Variants in ERICH1 observed in about 807,000 individuals in gnomAD.
ERICH1 encodes glutamate rich 1.
A neutral mutation model predicts 39.6 loss-of-function variants in ERICH1; 56 were observed. The ratio of observed to expected loss-of-function variants is 1.41; its 90% CI spans 1.14 to 1.77. ERICH1 has a LOEUF of 1.77. Ranked by LOEUF, ERICH1 falls within the 40% of genes most tolerant of loss-of-function variation. The pLI is 0.00. For synonymous variants in ERICH1, 313 were observed against 223.6 expected, an observed-to-expected ratio of 1.40 and a Z score of -3.57; for missense variants, 826 against 575.4, an observed-to-expected ratio of 1.44 and a Z score of -4.45.
At chr8:695,869 C>T (rs1810116388) in intron 2 of ERICH1, among the ~76,000 whole-genome samples, 1 of 141,358 alleles carries the variant, frequency 7.1e-6, no homozygotes, top group African/African-American at 2.8e-5. Context: ...TCGCTCCTCT[C>T]ACCCTCCACT....
At chr8:709,457 C>G (rs1480357742) in intron 2 of ERICH1, among the ~76,000 whole-genome samples, 2 of 152,242 alleles carry the variant, frequency 1.3e-5, no homozygotes, top group Non-Finnish European at 2.9e-5. Flanking sequence ...TCCACCTGGA[C>G]ACGGCTCCAA....
Position 636,138 on chromosome 8 carries a change from C to T in ERICH1, c.977-20854G>A, listed in dbSNP as rs189858611. On this transcript the variant is annotated intron_variant, in intron 3 of 3. Transcript: ENST00000522706. ...CTCAGCCTGGGGCTAATGTCTGGCG[C>T]GCTCTAAGGCGGCTGAATCCCTGCG... 4.6e-5 allele frequency among the ~76,000 whole-genome samples: 7 copies of T among 152,334 alleles called. No individual in the cohort carries two copies. The East Asian group carries it at 7.7e-4, about 17-fold the overall frequency.
chr8:671,233 G>C (rs1455308777), intron 4 of ERICH1, among the ~76,000 whole-genome samples: 2 of 141,710 alleles, frequency 1.4e-5, no homozygotes, highest in Admixed American at 1.4e-4. Context: ...TGGTCCCCAG[G>C]CTCTGACCTC....
intron 3 of ERICH1, among the ~76,000 whole-genome samples, chr8:656,508 C>T (rs896896845): frequency 3.3e-5 from 5 of 152,246 alleles, no homozygotes; most frequent in African/African-American, 7.2e-5. Flanking sequence ...TGACCTTCCC[C>T]ACCTGTGCTC....
chr8:637,874 C>T (rs1300163022), intron 3 of ERICH1, among the ~76,000 whole-genome samples: 1 of 152,250 alleles, frequency 6.6e-6, no homozygotes, highest in African/African-American at 2.4e-5. Context: ...GTCCTGCTCT[C>T]AACATGTAGC....
chr8:632,825 T>C (rs1415814969), intron 3 of ERICH1, among the ~76,000 whole-genome samples: 1 of 152,162 alleles, frequency 6.6e-6, no homozygotes, highest in East Asian at 1.9e-4. Flanking sequence ...TGTGGAGTCA[T>C]TTCTGGTTTC....
intron 4 of ERICH1, among the ~76,000 whole-genome samples, chr8:672,593 G>C (rs919707241): frequency 6.6e-6 from 1 of 152,008 alleles, no homozygotes; most frequent in Non-Finnish European, 1.5e-5. Flanking sequence ...AAATTAAACA[G>C]TATTAAAAAA....
chr8:708,717 A>G (rs1238925940), intron 2 of ERICH1, among the ~76,000 whole-genome samples: 1 of 55,198 alleles, frequency 1.8e-5, no homozygotes, highest in African/African-American at 6.6e-5. Context: ...TTTTTGAGAC[A>G]GGGTCTCACT....
At position 655,133 on chromosome 8, in the gene ERICH1, G is replaced by C. The variant is rs540905785; in HGVS notation, c.976+13465C>G. Among the ~76,000 whole-genome samples the C allele has an allele frequency of 2.0e-5, 3 of 152,312 alleles. No homozygotes were observed. The South Asian group carries it at 6.2e-4, about 32-fold the overall frequency. ...GATGCACGACGGGACCTCAGGCCAA[G>C]CCCACGCCAAGTCGGCCCCAAGGGA... On this transcript the variant is annotated intron_variant, in intron 3 of 3. Transcript: ENST00000522706.
exon 4 of ERICH1, chr8:615,173 G>A (rs1277744126): frequency 1.6e-6 from 1 of 642,490 alleles, no homozygotes; most frequent in Admixed American, 2.7e-5. Flanking sequence ...AAAGTCGAAA[G>A]TAGACAGTTC....
rs1804042841 is a variant in ERICH1, at chr8:673,845, C to A, written c.507G>T (p.Gln169His). The change falls in exon 4 of 6, where the codon CAG becomes CAT. Residue 169 changes from glutamine to histidine, a missense_variant. By Grantham distance (24) the Gln-to-His change is conservative. Coordinates refer to ENST00000262109, the MANE Select transcript of ERICH1 (RefSeq NM_207332.3). ...CGGCTGCTTTCTTCCTTTTAATTTG[C>A]TGTTTCTTTTTCAGTTTCCTTTTTT... is the stretch of plus-strand genomic sequence containing the variant. ...KNKKRKLKKK[Q>H]QIKRKKAAGL... The A allele has an allele frequency of 6.2e-7, 1 of 1,613,982 alleles. No individual in the cohort carries two copies. The highest frequency in any genetic ancestry group is 8.5e-7 in the Non-Finnish European group (1 of 1,180,020).
intron 1 of ERICH1, 138 bp downstream of exon 1, chr8:731,002 G>A: frequency 9.7e-7 from 1 of 1,028,066 alleles, no homozygotes; most frequent in Non-Finnish European, 1.3e-6. Flanking sequence ...GTAGGGACTG[G>A]GGTGGAGGTG....
At chr8:705,075 A>G (rs181438773) in intron 2 of ERICH1, among the ~76,000 whole-genome samples, 210 of 152,374 alleles carry the variant, frequency 1.4e-3, no homozygotes, top group Non-Finnish European at 2.1e-3. Context: ...GGAATTATCA[A>G]CACTCTTCTA....
intron 3 of ERICH1, among the ~76,000 whole-genome samples, chr8:685,361 G>T (rs336438): frequency 0.038 from 5,771 of 152,116 alleles, 377 homozygotes; most frequent in African/African-American, 0.13. Flanking sequence ...CTGTTCTTTT[G>T]TCAAGATGCC....
intron 1 of ERICH1, among the ~76,000 whole-genome samples, chr8:727,318 G>T (rs1336316693): frequency 1.3e-5 from 2 of 152,228 alleles, no homozygotes; most frequent in African/African-American, 4.8e-5. Context: ...TACCAGAGCT[G>T]CAGGAACTGG....
At chr8:655,372 C>T (rs182382128) in intron 3 of ERICH1, among the ~76,000 whole-genome samples, 5 of 152,354 alleles carry the variant, frequency 3.3e-5, no homozygotes, top group Admixed American at 3.3e-4. Context: ...TTCTGTACGT[C>T]AGCACACCCA....
chr8:658,888 T>A (rs913243054), intron 3 of ERICH1, among the ~76,000 whole-genome samples: 1 of 152,222 alleles, frequency 6.6e-6, no homozygotes, highest in Non-Finnish European at 1.5e-5. Context: ...CCGTCCTTCC[T>A]CTGCCTTTCC....
chr8:615,279 G>C (rs1350308928), exon 4 of ERICH1: 6 of 693,914 alleles, frequency 8.6e-6, no homozygotes, highest in African/African-American at 1.8e-5. Context: ...AGTCTGCTTA[G>C]GACTCCTGGA....
downstream of ERICH1, among the ~76,000 whole-genome samples, chr8:663,157 C>T (rs1236703363): frequency 6.6e-6 from 1 of 152,238 alleles, no homozygotes; most frequent in Non-Finnish European, 1.5e-5. Context: ...CACCTGCTTC[C>T]AGAAGGTTCC....
Sources: gnomAD v4.1 joint callset for allele counts (sites outside exome capture counted in the v4.1 genomes callset) on GRCh38, gnomAD v4.1.1 for gene constraint, MANE v1.5 for transcripts, NCBI Gene and HGNC (gene_info 2026-07-23, HGNC 2026-07-21) for gene names.